The following ARHGEF3 variants were observed in gnomAD, a reference collection of about 807,000 sequenced individuals.
ARHGEF3 encodes Rho guanine nucleotide exchange factor 3.
Under a neutral mutation model 63.2 loss-of-function variants are expected in ARHGEF3, and 28 were observed. The observed-to-expected ratio is 0.44, with a 90% CI of 0.33 to 0.61. ARHGEF3 has a LOEUF of 0.61. Ranked by LOEUF, ARHGEF3 falls within the 20% of genes least tolerant of loss-of-function variation. The pLI is 0.03. For missense variants in ARHGEF3, 533 were observed against 659.3 expected (o/e 0.81, Z 2.10); for synonymous variants, 266 against 254.2 (o/e 1.05, Z -0.44).
intron 2 of ARHGEF3, among the ~76,000 whole-genome samples, chr3:56,996,890 A>ATTATTTT (rs1553801009): frequency 1.6e-4 from 22 of 136,508 alleles, no homozygotes; most frequent in South Asian, 4.6e-4. Context: ...TATTATTATT[A>ATTATTTT]TTTTTTTTTT....
chr3:56,859,689 C>T (rs545881602), intron 4 of ARHGEF3, among the ~76,000 whole-genome samples: 4 of 114,710 alleles, frequency 3.5e-5, no homozygotes, highest in South Asian at 7.0e-4. Context: ...CAAACCACCA[C>T]ACCAGGCTAA....
intron 2 of ARHGEF3, among the ~76,000 whole-genome samples, chr3:57,023,642 T>C (rs893524080): frequency 1.3e-5 from 2 of 152,192 alleles, no homozygotes; most frequent in African/African-American, 4.8e-5. Flanking sequence ...CATGATCCAG[T>C]CTCACTGAGA....
At position 56,801,713 on chromosome 3, in the gene ARHGEF3, T is replaced by G; in HGVS notation, c.86A>C (p.Lys29Thr). 1 of 1,560,020 alleles carries G rather than the reference T, an allele frequency of 6.4e-7. No homozygotes were observed. Among genetic ancestry groups the G allele is most frequent in the East Asian group, 2.4e-5 (1 of 42,042 alleles). Residue 29 changes from lysine (K) to threonine (T), a missense_variant, in exon 1 of 10, where the codon AAG (lysine) becomes ACG (threonine). Lys to Thr is a moderately conservative substitution (Grantham distance 78). Transcript: ENST00000296315. Reference sequence around the variant, plus strand: ...AGGGCGCGGCCCTACCTCAGCGTCCTTGGCCGGACCGCTGGCCGGGGGTAG... The same window carrying G: ...AGGGCGCGGCCCTACCTCAGCGTCCGTGGCCGGACCGCTGGCCGGGGGTAG... ...LELPPASGPA[K>T]DAEEPSNKRV...
chr3:56,779,536 A>T (rs1351376080), intron 1 of ARHGEF3, among the ~76,000 whole-genome samples: 1 of 151,658 alleles, frequency 6.6e-6, no homozygotes. Flanking sequence ...TCTGTCGCGC[A>T]GGCTGGAGTG....
chr3:56,730,536 C>A (rs1355028451), intron 9 of ARHGEF3, among the ~76,000 whole-genome samples: 1 of 151,988 alleles, frequency 6.6e-6, no homozygotes, highest in Non-Finnish European at 1.5e-5. Context: ...CACCACCATG[C>A]CTGGCTGATT....
At chr3:57,059,020 A>T (rs1705074159) in intron 1 of ARHGEF3, among the ~76,000 whole-genome samples, 1 of 150,400 alleles carries the variant, frequency 6.6e-6, no homozygotes, top group Non-Finnish European at 1.5e-5. Context: ...GAGGGATAGC[A>T]TTAGGAGATA....
chr3:56,948,977 C>T (rs1466880641), intron 3 of ARHGEF3, among the ~76,000 whole-genome samples: 24 of 152,100 alleles, frequency 1.6e-4, no homozygotes, highest in African/African-American at 1.9e-4. Flanking sequence ...GTTCAACATA[C>T]GCAAATCAAT....
intron 4 of ARHGEF3, among the ~76,000 whole-genome samples, chr3:56,833,850 C>T (rs2039010691): frequency 6.6e-6 from 1 of 152,174 alleles, no homozygotes; most frequent in Admixed American, 6.5e-5. Flanking sequence ...ATATCACACT[C>T]ACACATTCAC....
intron 2 of ARHGEF3, among the ~76,000 whole-genome samples, chr3:57,002,519 ATATG>A (rs1384993762): frequency 4.7e-5 from 5 of 105,874 alleles, no homozygotes; most frequent in African/African-American, 6.6e-5. Context: ...TATATGTTAT[ATATG>A]TATGTTATAT....
intron 4 of ARHGEF3, among the ~76,000 whole-genome samples, chr3:56,822,670 C>T (rs1482531229): frequency 6.6e-6 from 1 of 151,946 alleles, no homozygotes; most frequent in Non-Finnish European, 1.5e-5. Flanking sequence ...CTGGGCAACA[C>T]GGTGAAACCC....
At chr3:56,797,715 G>A (rs1295921421) in intron 1 of ARHGEF3, among the ~76,000 whole-genome samples, 3 of 152,222 alleles carry the variant, frequency 2.0e-5, no homozygotes, top group Admixed American at 2.0e-4. Flanking sequence ...GGCATAAATC[G>A]TGGCAGGAGC....
At chr3:56,909,545 C>T (rs1402854070) in intron 3 of ARHGEF3, among the ~76,000 whole-genome samples, 4 of 152,178 alleles carry the variant, frequency 2.6e-5, no homozygotes, top group African/African-American at 7.2e-5. Flanking sequence ...TTGTCTGACC[C>T]GAGCTTGCTG....
Position 56,751,316 on chromosome 3 carries a change from T to C in ARHGEF3, c.519A>G (p.Leu173=), listed in dbSNP as rs1177041288. The C allele has an allele frequency of 6.2e-7, 1 of 1,612,782 alleles. No homozygotes were observed. Reference sequence around the variant, plus strand: ...AAATTATACCTTCATGTAGAGGAATTAGAGAGTCCAGTGTTCCAAAAATTT... The same window carrying C: ...AAATTATACCTTCATGTAGAGGAATCAGAGAGTCCAGTGTTCCAAAAATTT... ...LNQIFGTLDS[L]IPLHEELLSQ... is the part of the protein sequence containing the mutation. The change falls in exon 5 of 10, where the codon CTA becomes CTG. Residue 173 remains leucine (L), a synonymous_variant. Transcript: ENST00000296315.
intron 2 of ARHGEF3, among the ~76,000 whole-genome samples, chr3:57,018,362 C>T (rs894339879): frequency 1.3e-5 from 2 of 151,666 alleles, no homozygotes; most frequent in African/African-American, 4.8e-5. Context: ...ATTTTCTGCA[C>T]ATCAACTAAG....
intron 1 of ARHGEF3, among the ~76,000 whole-genome samples, chr3:56,790,754 A>G (rs2037038932): frequency 6.6e-6 from 1 of 152,196 alleles, no homozygotes; most frequent in African/African-American, 2.4e-5. Context: ...AAGCACCCAC[A>G]GGGAAGACTT....
At chr3:56,762,476 T>A (rs1020007177) in intron 2 of ARHGEF3, among the ~76,000 whole-genome samples, 1 of 151,854 alleles carries the variant, frequency 6.6e-6, no homozygotes, top group African/African-American at 2.4e-5. Context: ...AAACAGACTG[T>A]CTGCCGGGGG....
At chr3:57,058,755 A>T (rs1006932555) in intron 1 of ARHGEF3, among the ~76,000 whole-genome samples, 3 of 152,074 alleles carry the variant, frequency 2.0e-5, no homozygotes, top group Non-Finnish European at 4.4e-5. Flanking sequence ...ATGTCCAACA[A>T]TGATAGACTG....
At chr3:57,026,486 T>C (rs1254281877) in intron 2 of ARHGEF3, among the ~76,000 whole-genome samples, 2 of 152,162 alleles carry the variant, frequency 1.3e-5, no homozygotes, top group Non-Finnish European at 2.9e-5. Context: ...GTTGAAAAAG[T>C]TGATTGCCCT....
At chr3:56,929,497 A>C (rs1392705216) in intron 3 of ARHGEF3, among the ~76,000 whole-genome samples, 1 of 152,196 alleles carries the variant, frequency 6.6e-6, no homozygotes, top group Non-Finnish European at 1.5e-5. Flanking sequence ...GATCTCAATG[A>C]AATGCAGCTA....
Sources: gnomAD v4.1 joint callset for allele counts (sites outside exome capture counted in the v4.1 genomes callset) on GRCh38, gnomAD v4.1.1 for gene constraint, MANE v1.5 for transcripts, NCBI Gene and HGNC (gene_info 2026-07-23, HGNC 2026-07-21) for gene names.